ZNF462: variants seen among roughly 807,000 people sequenced by gnomAD.
ZNF462 encodes zinc finger PBX1-interacting protein.
Under a neutral mutation model 201.9 loss-of-function variants are expected in ZNF462, and 10 were observed. The observed-to-expected ratio is 0.05, with a 90% confidence interval of 0.03 to 0.08. The LOEUF (loss-of-function observed/expected upper bound fraction) is 0.08. ZNF462 is among the 10% of genes least tolerant of loss of function. The probability of loss-of-function intolerance (pLI) is 1.00; values close to 1 mark genes in which losing one functional copy is unlikely to be tolerated. For missense variants in ZNF462, 2,523 were observed against 3,168.3 expected (o/e 0.80, Z 4.89); for synonymous variants, 1,227 against 1,193.3 (o/e 1.03, Z -0.58).
rs1355942678 is a variant in ZNF462 at position 106,984,024 on chromosome 9, T to C, written c.6833-162T>C. Among the ~76,000 whole-genome samples, 1 of 152,082 alleles carries C rather than the reference T, an allele frequency of 6.6e-6. No homozygotes were observed. Among genetic ancestry groups the C allele is most frequent in the East Asian group, 1.9e-4 (1 of 5,190 alleles). ...CACTCATTCCTGAGGAATATGTTGT[T>C]TGGGGGTTAGGGGAGGGGCAGGGTG... On this transcript the variant is annotated intron_variant, in intron 9 of 12. Coordinates refer to ENST00000277225, the MANE Select transcript of ZNF462 (RefSeq NM_021224.6). The surrounding 1 kb of genome is among the most constrained non-coding windows in gnomAD (Gnocchi z 6.4).
intron 1 of ZNF462, among the ~76,000 whole-genome samples, chr9:106,915,266 G>T (rs1468547603): frequency 7.0e-6 from 1 of 143,480 alleles, no homozygotes; most frequent in Non-Finnish European, 1.5e-5. Flanking sequence ...ACCTAACTTT[G>T]TTGGGCAAAA....
chr9:106,959,375 C>A (rs1831725356), intron 7 of ZNF462, among the ~76,000 whole-genome samples: 1 of 152,042 alleles, frequency 6.6e-6, no homozygotes, highest in Admixed American at 6.6e-5. Flanking sequence ...TAAAGGAGTC[C>A]AAATGCTTCC....
chr9:106,915,311 G>A (rs1296523292), intron 1 of ZNF462, among the ~76,000 whole-genome samples: 1 of 151,912 alleles, frequency 6.6e-6, no homozygotes, highest in Non-Finnish European at 1.5e-5. Flanking sequence ...TGGAATTCGA[G>A]GCTTGGCTCC....
chr9:106,941,684 G>A (rs772451314), intron 7 of ZNF462, among the ~76,000 whole-genome samples: 2 of 152,206 alleles, frequency 1.3e-5, no homozygotes, highest in Non-Finnish European at 2.9e-5. Context: ...CTGATTAGAT[G>A]AGGTAAACAA....
chr9:106,989,529 G>A (rs189133711), intron 10 of ZNF462, among the ~76,000 whole-genome samples: 1 of 152,106 alleles, frequency 6.6e-6, no homozygotes, highest in Non-Finnish European at 1.5e-5. Context: ...GCTGGTTTTG[G>A]TATTAGGGTG....
At chr9:106,992,222 A>G (rs900977073) in intron 10 of ZNF462, among the ~76,000 whole-genome samples, 9 of 152,226 alleles carry the variant, frequency 5.9e-5, no homozygotes, top group South Asian at 2.1e-4. Flanking sequence ...ACAAATGGCA[A>G]ATAAGCACAT....
Position 106,929,619 on chromosome 9 carries a change from A to G in ZNF462, c.5707A>G (p.Ser1903Gly), listed in dbSNP as rs769635611. The G allele has an allele frequency of 6.2e-7, 1 of 1,614,246 alleles. No individual in the cohort carries two copies. Among genetic ancestry groups the G allele is most frequent in the Non-Finnish European group, 8.5e-7 (1 of 1,180,046 alleles). Residue 1903 changes from serine (S) to glycine (G), a missense_variant, in exon 3 of 13, where the codon AGC becomes GGC. Transcript: ENST00000277225. This position sits in a 1 kb window ranked among gnomAD's most constrained non-coding sequence, Gnocchi z 8.7. ...TAAGCACTGTGATAGCAAACTGCAA[A>G]GCACAGCCGAGCTGACCTCACACTT... ...QCKHCDSKLQ[S>G]TAELTSHLNI... is the part of the protein sequence containing the mutation.
Position 106,930,769 on chromosome 9 carries a change from A to C in ZNF462, c.6012+80A>C. On this transcript the variant is annotated intron_variant, in intron 4 of 12. Transcript: ENST00000277225. This position sits in a 1 kb window ranked among gnomAD's most constrained non-coding sequence, Gnocchi z 5.8. ...TTAACCCCATTGCCTAAAGCAGCTC[A>C]GGAAAGAGCATCTCAGAATGCGGGC... 4 of 1,529,134 alleles carry C rather than the reference A, an allele frequency of 2.6e-6. No homozygotes were observed. Among genetic ancestry groups the C allele is most frequent in the Non-Finnish European group, 3.6e-6 (4 of 1,121,446 alleles). The allele number at this position is 1,529,134 out of a possible 1,614,324, so 94.7% of individuals were successfully genotyped here.
Position 106,927,204 on chromosome 9 carries a change from T to TGGGCCCCCCCCC in ZNF462, c.3292_3293insGGGCCCCCCCCC (p.Ser1098delinsTrpAlaProProPro). On this transcript the variant is annotated protein_altering_variant, in exon 3 of 13. Coordinates refer to ENST00000277225, the MANE Select transcript of ZNF462 (RefSeq NM_021224.6). ...GTCTCCCAAAATGTCCAACATGGGT[T>TGGGCCCCCCCCC]CCCCACCCCCCCCACAACCCCCGCC... 1.3e-6 allele frequency: 2 copies of TGGGCCCCCCCCC among 1,570,222 alleles called. No individual in the cohort carries two copies. The highest frequency in any genetic ancestry group is 1.7e-6 in the Non-Finnish European group (2 of 1,149,660).
intron 1 of ZNF462, among the ~76,000 whole-genome samples, chr9:106,899,204 G>A (rs1481927919): frequency 7.4e-6 from 1 of 134,902 alleles, no homozygotes; most frequent in East Asian, 2.5e-4. Context: ...GAGAGAGAGA[G>A]AGAGAGAGAG....
Position 106,926,861 on chromosome 9 carries a change from G to A in ZNF462, c.2949G>A (p.Ser983=), listed in dbSNP as rs199712014. 24 of 1,614,080 alleles carry A rather than the reference G, an allele frequency of 1.5e-5. No individual in the cohort carries two copies. The highest frequency in any genetic ancestry group is 1.6e-4 in the Middle Eastern group (1 of 6,062). The change falls in exon 3 of 13, where the codon TCG becomes TCA. Residue 983 remains serine, a synonymous_variant. Transcript: ENST00000277225. The surrounding 1 kb of genome is among the most constrained non-coding windows in gnomAD (Gnocchi z 7.9). ...AGACCCTGAGGGAGATTCTGAATTC[G>A]GCTCCCAAGAACATGGCGACTTCCA... ...ESQTLREILN[S]APKNMATSTP...
chr9:106,913,618 G>A lies in ZNF462; in HGVS notation c.-30-9736G>A, dbSNP rs566475674. Among the ~76,000 whole-genome samples, 3 of 142,898 alleles carry A rather than the reference G, an allele frequency of 2.1e-5. No homozygotes were observed. Among genetic ancestry groups the A allele is most frequent in the Non-Finnish European group, 4.6e-5 (3 of 65,466 alleles). 93.7% of individuals were successfully genotyped at this position (142,898 alleles called of 152,430 possible). A position where few individuals can be genotyped will look rare whatever the true frequency, so the allele number is the denominator to read the frequency against. ...CTAAAGACTTAACTTTTTTTTTTTT[G>A]AGACAATCTCATTCTGTGACCCAGG... On this transcript the variant is annotated intron_variant, in intron 1 of 12. Transcript: ENST00000277225. This position sits in a 1 kb window ranked among gnomAD's most constrained non-coding sequence, Gnocchi z 4.1.
chr9:106,967,318 G>A (rs1420439510), intron 7 of ZNF462, among the ~76,000 whole-genome samples: 2 of 152,044 alleles, frequency 1.3e-5, no homozygotes. Flanking sequence ...TTAACTAAAT[G>A]TTGTGGAATT....
In ZNF462 at chr9:106,932,126, G is replaced by A; in HGVS notation, c.6013-320G>A. The A allele has an allele frequency of 1.5e-6, 2 of 1,347,142 alleles. No individual in the cohort carries two copies. Among genetic ancestry groups the A allele is most frequent in the East Asian group, 5.0e-5 (2 of 39,818 alleles). The allele number at this position is 1,347,142 out of a possible 1,614,324, so 83.4% of individuals were successfully genotyped here. ...GCTTGCTCTCCCTCTAGGGGTAGCTGGAGAGGCAGGGGAGGAAGCTTTGAC... is the reference window on the plus strand; with the variant it reads ...GCTTGCTCTCCCTCTAGGGGTAGCTAGAGAGGCAGGGGAGGAAGCTTTGAC... On this transcript the variant is annotated intron_variant, in intron 4 of 12. Coordinates refer to ENST00000277225, the MANE Select transcript of ZNF462 (RefSeq NM_021224.6). The surrounding 1 kb of genome is among the most constrained non-coding windows in gnomAD (Gnocchi z 6.8).
chr9:106,943,059 C>CGCGCGCGCGCGCGCGCGTGTGT (rs374167214), intron 7 of ZNF462, among the ~76,000 whole-genome samples: 2 of 143,154 alleles, frequency 1.4e-5, no homozygotes, highest in African/African-American at 5.3e-5. Flanking sequence ...TTTGCGCGCG[C>CGCGCGCGCGCGCGCGCGTGTGT]GTGTGTGTGT....
chr9:106,865,061 A>G lies in ZNF462; in HGVS notation c.-31+1706A>G, dbSNP rs1393603869. ...TTGCCTACTCCTTCTCTCTTTCCAG[A>G]GGGAAACCTTGTGGTGGTTCCTCAC... On this transcript the variant is annotated intron_variant, in intron 1 of 12. Transcript: ENST00000277225. The surrounding 1 kb of genome is among the most constrained non-coding windows in gnomAD (Gnocchi z 4.1). Among the ~76,000 whole-genome samples the G allele has an allele frequency of 6.6e-6, 1 of 152,144 alleles. No homozygotes were observed. The highest frequency in any genetic ancestry group is 1.9e-4 in the East Asian group (1 of 5,192).
intron 1 of ZNF462, among the ~76,000 whole-genome samples, chr9:106,900,760 A>G (rs1829031922): frequency 1.3e-5 from 2 of 151,952 alleles, no homozygotes; most frequent in South Asian, 4.2e-4. Context: ...ATTTGTTTGA[A>G]TTTGTTGTAG....
At chr9:106,951,112 A>G (rs564099073) in intron 7 of ZNF462, among the ~76,000 whole-genome samples, 3 of 152,238 alleles carry the variant, frequency 2.0e-5, no homozygotes, top group East Asian at 1.9e-4. Flanking sequence ...ATTTAAGTTC[A>G]AGGTTTAAGT....
At chr9:106,877,453 A>G (rs1827884299) in intron 1 of ZNF462, among the ~76,000 whole-genome samples, 1 of 151,712 alleles carries the variant, frequency 6.6e-6, no homozygotes. Flanking sequence ...CAGTGGCATG[A>G]TCTCAAGCAC....
Sources: gnomAD v4.1 joint callset for allele counts (sites outside exome capture counted in the v4.1 genomes callset) on GRCh38, gnomAD v4.1.1 for gene constraint, Gnocchi (gnomAD v3.1) non-coding constraint, MANE v1.5 for transcripts, NCBI Gene and HGNC (gene_info 2026-07-23, HGNC 2026-07-21) for gene names.